Variants in SNAP29 observed in about 807,000 individuals in gnomAD.
SNAP29 encodes the protein synaptosomal-associated protein 29.
A neutral mutation model predicts 27.9 loss-of-function variants in SNAP29; 13 were observed. The observed-to-expected ratio is 0.47, with a 90% CI of 0.30 to 0.74. The LOEUF is 0.74. Among genes scored for constraint, SNAP29 ranks in the 30% least tolerant of loss-of-function variants. The probability of loss-of-function intolerance (pLI) is 0.06; values close to 1 mark genes in which losing one functional copy is unlikely to be tolerated. For missense variants in SNAP29, 368 were observed against 336.5 expected, an observed-to-expected ratio of 1.09 and a Z score of -0.73; for synonymous variants, 119 against 127.1, an observed-to-expected ratio of 0.94 and a Z score of 0.43.
chr22:20,859,222 C>G lies in SNAP29; in HGVS notation c.112C>G (p.Pro38Ala). 1 of 1,604,876 alleles carries G rather than the reference C, an allele frequency of 6.2e-7. No homozygotes were observed. The highest frequency in any genetic ancestry group is 8.5e-7 in the Non-Finnish European group (1 of 1,176,728). Residue 38 changes from proline to alanine, a missense_variant, in exon 1 of 5, where the codon CCC (proline) becomes GCC (alanine). Pro to Ala is a conservative substitution (Grantham distance 27). Transcript: ENST00000215730. ...AGACCTCCCCGACGGGCCCGACGCGCCCGCGGACAGGCAGCAGTACTTGCG... is the reference window on the plus strand; with the variant it reads ...AGACCTCCCCGACGGGCCCGACGCGGCCGCGGACAGGCAGCAGTACTTGCG... ...ARDLPDGPDA[P>A]ADRQQYLRQE... is the part of the protein sequence containing the mutation.
In SNAP29 at chr22:20,876,079, T is replaced by G. The variant is rs1035076075; in HGVS notation, c.435-4970T>G. ...GGGAGGCTGAGGCAGGAGAATGGCA[T>G]GAACCCGGGAGGTGGAGGTTGCAGT... On this transcript the variant is annotated intron_variant, in intron 2 of 4. Transcript: ENST00000215730. 2.0e-5 allele frequency among the ~76,000 whole-genome samples: 3 copies of G among 151,094 alleles called. 1 individual carries two copies. In the South Asian group the frequency reaches 6.3e-4, roughly 32 times the overall value.
chr22:20,884,930 C>T (rs942616516), intron 4 of SNAP29, among the ~76,000 whole-genome samples: 5 of 152,160 alleles, frequency 3.3e-5, no homozygotes, highest in African/African-American at 1.2e-4. Context: ...CATGCACCAC[C>T]ATGCTCAGCT....
At chr22:20,866,853 G>A (rs1387059358) in intron 1 of SNAP29, among the ~76,000 whole-genome samples, 1 of 152,176 alleles carries the variant, frequency 6.6e-6, no homozygotes, top group East Asian at 1.9e-4. Flanking sequence ...TCAACAGGGA[G>A]CCTCTCTGAC....
At chr22:20,876,167 A>T (rs1214410324) in intron 2 of SNAP29, among the ~76,000 whole-genome samples, 1 of 152,036 alleles carries the variant, frequency 6.6e-6, no homozygotes, top group Non-Finnish European at 1.5e-5. Context: ...AAAAAAAAAA[A>T]ATGCAATAAA....
intron 1 of SNAP29, among the ~76,000 whole-genome samples, chr22:20,868,400 A>G (rs1358217084): frequency 6.6e-6 from 1 of 152,240 alleles, no homozygotes; most frequent in Non-Finnish European, 1.5e-5. Context: ...ACAAAGTTTA[A>G]TAGTAAATTC....
intron 2 of SNAP29, among the ~76,000 whole-genome samples, chr22:20,871,806 C>T (rs931121342): frequency 1.3e-5 from 2 of 151,822 alleles, no homozygotes; most frequent in African/African-American, 2.4e-5. Flanking sequence ...GGTGTGAACC[C>T]GGGAGGTGGA....
intron 1 of SNAP29, among the ~76,000 whole-genome samples, chr22:20,865,661 A>G (rs1245464339): frequency 6.6e-6 from 1 of 152,244 alleles, no homozygotes; most frequent in Non-Finnish European, 1.5e-5. Flanking sequence ...ATTCACTGGA[A>G]GGATGCACAG....
intron 1 of SNAP29, 141 bp from the exon 2 acceptor site, chr22:20,870,196 A>C (rs933622865): frequency 4.1e-6 from 3 of 727,336 alleles, no homozygotes; most frequent in Non-Finnish European, 7.4e-6. Context: ...TGGAAAGGGT[A>C]GTGTGCCCCT....
At chr22:20,876,192 T>C (rs1287642818) in intron 2 of SNAP29, among the ~76,000 whole-genome samples, 1 of 151,646 alleles carries the variant, frequency 6.6e-6, no homozygotes, top group Non-Finnish European at 1.5e-5. Context: ...GAGTAAAATT[T>C]TTGTGATCCT....
At chr22:20,881,190 G>A in intron 3 of SNAP29, 56 bp downstream of exon 3, 1 of 1,283,230 alleles carries the variant, frequency 7.8e-7, no homozygotes, top group Non-Finnish European at 1.1e-6. Context: ...AGACCTCTAG[G>A]TTTGGCGTTG....
At chr22:20,881,779 C>A (rs1404093328) in intron 3 of SNAP29, among the ~76,000 whole-genome samples, 1 of 152,182 alleles carries the variant, frequency 6.6e-6, no homozygotes, top group Non-Finnish European at 1.5e-5. Flanking sequence ...CAGTAAAAAG[C>A]CAACTGCAGA....
chr22:20,859,984 T>A (rs1239887912), intron 1 of SNAP29, among the ~76,000 whole-genome samples: 1 of 152,050 alleles, frequency 6.6e-6, no homozygotes, highest in Non-Finnish European at 1.5e-5. Flanking sequence ...AGTGTGCGGG[T>A]TAAGAGTTTG....
At position 20,890,147 on chromosome 22, in the gene SNAP29, C is replaced by G. The variant is rs1349276426; in HGVS notation, c.*2311C>G. On this transcript the variant is annotated 3_prime_UTR_variant, in exon 5 of 5. Transcript: ENST00000215730. ...CCTTTCTGCCACTTCTTCCCCACTC[C>G]CATGCCCAGGAAGGCCTGGTTGCTG... 2.5e-5 allele frequency: 10 copies of G among 396,908 alleles called. No individual in the cohort carries two copies. Among genetic ancestry groups the G allele is most frequent in the Non-Finnish European group, 4.4e-5 (10 of 225,520 alleles). The allele number at this position is 396,908 out of a possible 1,614,324, so 24.6% of individuals were successfully genotyped here.
At chr22:20,861,644 T>G (rs1928323450) in intron 1 of SNAP29, among the ~76,000 whole-genome samples, 1 of 151,968 alleles carries the variant, frequency 6.6e-6, no homozygotes, top group South Asian at 2.1e-4. Flanking sequence ...TTTTGGTGTT[T>G]TTTGTTTTTG....
At chr22:20,879,643 C>T (rs997790089) in intron 2 of SNAP29, among the ~76,000 whole-genome samples, 1 of 151,826 alleles carries the variant, frequency 6.6e-6, no homozygotes, top group Non-Finnish European at 1.5e-5. Flanking sequence ...GTCAGGAGTT[C>T]GTGACCAGCC....
At chr22:20,885,460 T>C (rs1300458183) in intron 4 of SNAP29, among the ~76,000 whole-genome samples, 1 of 152,110 alleles carries the variant, frequency 6.6e-6, no homozygotes, top group Non-Finnish European at 1.5e-5. Context: ...GCCAAAGACT[T>C]ATCTGAGGCA....
At chr22:20,872,272 C>T (rs2147865308) in intron 2 of SNAP29, among the ~76,000 whole-genome samples, 1 of 151,880 alleles carries the variant, frequency 6.6e-6, no homozygotes, top group African/African-American at 2.4e-5. Context: ...TGGAGTTTCA[C>T]CCTTGTTGCC....
rs1928119670 is a variant in SNAP29, at chr22:20,859,134, C to G, written c.24C>G (p.Tyr8Ter). MSAYPKSYNPFDDDGEDE... is the reference protein window; with the variant it reads MSAYPKS The stretch of plus-strand genomic sequence containing the variant: ...CCATGTCAGCTTACCCTAAAAGCTA[C>G]AATCCGTTCGACGACGACGGGGAGG... The change falls in exon 1 of 5, where the codon TAC becomes TAG. Residue 8 changes from tyrosine (Y) to a stop codon, truncating the protein, a stop_gained. Coordinates refer to ENST00000215730, the MANE Select transcript of SNAP29 (RefSeq NM_004782.4). LOFTEE classifies it high-confidence loss of function. 1.9e-6 allele frequency: 3 copies of G among 1,608,186 alleles called. No homozygotes were observed. Among genetic ancestry groups the G allele is most frequent in the Non-Finnish European group, 2.5e-6 (3 of 1,178,320 alleles).
intron 1 of SNAP29, 139 bp downstream of exon 1, chr22:20,859,486 G>T: frequency 1.4e-6 from 1 of 709,024 alleles, no homozygotes; most frequent in Non-Finnish European, 2.6e-6. Context: ...CTCGATGGTG[G>T]TAACAATCTG....
Sources: allele counts gnomAD v4.1 joint callset (sites outside exome capture counted in the v4.1 genomes callset), GRCh38; gene constraint gnomAD v4.1.1; transcripts MANE v1.5; gene names NCBI Gene and HGNC (gene_info 2026-07-23, HGNC 2026-07-21).